Variants in ADAMTS3 observed in about 807,000 individuals in gnomAD.
ADAMTS3 encodes the protein A disintegrin and metalloproteinase with thrombospondin motifs 3.
In ADAMTS3, 73 loss-of-function variants were observed where a neutral mutation model predicts 129.0. The ratio of observed to expected loss-of-function variants is 0.57; its 90% CI spans 0.47 to 0.69. The LOEUF (loss-of-function observed/expected upper bound fraction) is 0.69. Ranked by LOEUF, ADAMTS3 falls within the 30% of genes least tolerant of loss-of-function variation. The pLI is 0.00. For synonymous variants in ADAMTS3, 477 were observed against 510.8 expected (o/e 0.93, Z 0.89); for missense variants, 1,457 against 1,514.5 (o/e 0.96, Z 0.63).
At chr4:72,455,722 T>A (rs1287252721) in intron 3 of ADAMTS3, among the ~76,000 whole-genome samples, 2 of 146,756 alleles carry the variant, frequency 1.4e-5, no homozygotes, top group Non-Finnish European at 3.0e-5. Flanking sequence ...GTCGGCTTTA[T>A]CAAATTTGTA....
chr4:72,338,649 G>C (rs917165583), intron 5 of ADAMTS3, among the ~76,000 whole-genome samples: 1 of 151,960 alleles, frequency 6.6e-6, no homozygotes, highest in Non-Finnish European at 1.5e-5. Context: ...AAAGTTGTGA[G>C]GGGGGAGGGT....
chr4:72,397,876 AG>A (rs1214901838), intron 4 of ADAMTS3, among the ~76,000 whole-genome samples: 2 of 152,192 alleles, frequency 1.3e-5, no homozygotes, highest in Non-Finnish European at 2.9e-5. Flanking sequence ...ATGGATATTC[AG>A]TGAACATACC....
rs147340505 is a variant in ADAMTS3, at chr4:72,430,988, A to C, written c.505-16017T>G. Reference sequence around the variant, plus strand: ...AAGTAGATGAAAATTTGAGAATGGAACATGAACTATTAAGATTTTAAGATT... The same window carrying C: ...AAGTAGATGAAAATTTGAGAATGGACCATGAACTATTAAGATTTTAAGATT... On this transcript the variant is annotated intron_variant, in intron 3 of 21. Transcript: ENST00000286657. Among the ~76,000 whole-genome samples, 404 of 152,112 alleles carry C rather than the reference A, an allele frequency of 2.7e-3. 4 individuals are homozygous for C. The highest frequency in any genetic ancestry group is 9.4e-3 in the African/African-American group (392 of 41,532).
At chr4:72,365,973 C>G (rs1179089532) in intron 4 of ADAMTS3, among the ~76,000 whole-genome samples, 1 of 152,210 alleles carries the variant, frequency 6.6e-6, no homozygotes. Flanking sequence ...CACTCCAGCA[C>G]TAATGAATGC....
At chr4:72,360,187 C>T (rs1720682506) in intron 4 of ADAMTS3, among the ~76,000 whole-genome samples, 1 of 152,026 alleles carries the variant, frequency 6.6e-6, no homozygotes, top group Non-Finnish European at 1.5e-5. Context: ...CAACTGTGTG[C>T]AACAATCTTA....
intron 11 of ADAMTS3, among the ~76,000 whole-genome samples, chr4:72,314,465 G>T (rs1719336548): frequency 6.6e-6 from 1 of 152,088 alleles, no homozygotes; most frequent in Non-Finnish European, 1.5e-5. Flanking sequence ...TACTATAGAG[G>T]CACCTAGCTT....
intron 3 of ADAMTS3, among the ~76,000 whole-genome samples, chr4:72,512,531 T>A (rs942171447): frequency 6.6e-6 from 1 of 152,160 alleles, no homozygotes; most frequent in African/African-American, 2.4e-5. Flanking sequence ...ACTTACTATT[T>A]GATAGCATAG....
At position 72,514,059 on chromosome 4, in the gene ADAMTS3, T is replaced by C. The variant is rs551946034; in HGVS notation, c.504+34419A>G. ...CTATTCTGTCCTCTGAATTTTCATC[T>C]CTCTCCTTCTTCCTCACCCCCTCTC... is the stretch of plus-strand genomic sequence containing the variant. On this transcript the variant is annotated intron_variant, in intron 3 of 21. Transcript: ENST00000286657. 2.6e-4 allele frequency among the ~76,000 whole-genome samples: 39 copies of C among 152,282 alleles called. No homozygotes were observed. The South Asian group carries it at 7.1e-3, about 28-fold the overall frequency.
At chr4:72,518,788 T>C (rs28854926) in intron 3 of ADAMTS3, among the ~76,000 whole-genome samples, 1 of 148,106 alleles carries the variant, frequency 6.8e-6, no homozygotes, top group Admixed American at 6.7e-5. Flanking sequence ...TGACTCTTTA[T>C]CCAATTTGCC....
At chr4:72,529,978 A>ATATATAATATATTATCTTTATATATAAT (rs372655516) in intron 3 of ADAMTS3, among the ~76,000 whole-genome samples, 1 of 6,724 alleles carries the variant, frequency 1.5e-4, no homozygotes, top group African/African-American at 7.2e-4. Flanking sequence ...TTTATATATA[A>ATATATAATATATTATCTTTATATATAAT]ATATAATATA....
intron 21 of ADAMTS3, among the ~76,000 whole-genome samples, chr4:72,284,714 T>A (rs1344405248): frequency 6.6e-6 from 1 of 152,200 alleles, no homozygotes; most frequent in Non-Finnish European, 1.5e-5. Flanking sequence ...AAACACTTGA[T>A]AACATCTAAA....
Position 72,429,468 on chromosome 4 carries a change from A to G in ADAMTS3, c.505-14497T>C, listed in dbSNP as rs115681039. Among the ~76,000 whole-genome samples the G allele has an allele frequency of 5.4e-3, 815 of 152,196 alleles. 5 individuals are homozygous for G. Among genetic ancestry groups the G allele is most frequent in the African/African-American group, 0.019 (788 of 41,552 alleles). On this transcript the variant is annotated intron_variant, in intron 3 of 21. Transcript: ENST00000286657. ...GCTTTAAAAGATCCAACAATTAAAA[A>G]ATAGTTTAAAGGAAACGTAAAATCC...
chr4:72,464,709 A>C (rs1718872003), intron 3 of ADAMTS3, among the ~76,000 whole-genome samples: 1 of 152,046 alleles, frequency 6.6e-6, no homozygotes, highest in African/African-American at 2.4e-5. Flanking sequence ...ACATCCTGAA[A>C]GTTTGCAAGA....
chr4:72,397,864 C>T (rs1018770261), intron 4 of ADAMTS3, among the ~76,000 whole-genome samples: 9 of 152,090 alleles, frequency 5.9e-5, no homozygotes, highest in Admixed American at 5.2e-4. Context: ...CTAGAGAAGA[C>T]CATGGATATT....
At chr4:72,441,034 G>C (rs1265528279) in intron 3 of ADAMTS3, among the ~76,000 whole-genome samples, 2 of 151,708 alleles carry the variant, frequency 1.3e-5, no homozygotes, top group African/African-American at 4.8e-5. Flanking sequence ...ATATCTGTGA[G>C]TCTCAAAAAG....
intron 19 of ADAMTS3, among the ~76,000 whole-genome samples, chr4:72,294,989 A>C (rs989756008): frequency 6.6e-6 from 1 of 152,058 alleles, no homozygotes; most frequent in African/African-American, 2.4e-5. Context: ...ATTTCTATGG[A>C]GACTAAAGTG....
intron 4 of ADAMTS3, among the ~76,000 whole-genome samples, chr4:72,404,042 T>G (rs1318716072): frequency 6.6e-6 from 1 of 152,070 alleles, no homozygotes; most frequent in Non-Finnish European, 1.5e-5. Flanking sequence ...AGACATCCCA[T>G]GTCCATGCGT....
intron 4 of ADAMTS3, among the ~76,000 whole-genome samples, chr4:72,371,915 A>G (rs550406478): frequency 6.6e-6 from 1 of 152,168 alleles, no homozygotes; most frequent in South Asian, 2.1e-4. Context: ...AAAAAAAAAA[A>G]ATGAATCATT....
In ADAMTS3 at chr4:72,546,384, C is replaced by G. The variant is rs577707786; in HGVS notation, c.504+2094G>C. 4.6e-5 allele frequency among the ~76,000 whole-genome samples: 7 copies of G among 152,104 alleles called. No homozygotes were observed. In the East Asian group the frequency reaches 1.4e-3, roughly 29 times the overall value. ...TGACCAGACCTTTCCTGAGTTTATC[C>G]AATTTACACTCTATTTTATTAGATA... is the stretch of plus-strand genomic sequence containing the variant. On this transcript the variant is annotated intron_variant, in intron 3 of 21. Coordinates refer to ENST00000286657, the MANE Select transcript of ADAMTS3 (RefSeq NM_014243.3).
Sources: allele counts gnomAD v4.1 joint callset (sites outside exome capture counted in the v4.1 genomes callset), GRCh38; gene constraint gnomAD v4.1.1; transcripts MANE v1.5; gene names NCBI Gene and HGNC (gene_info 2026-07-23, HGNC 2026-07-21).